AGPS: variants seen among roughly 807,000 people sequenced by gnomAD.
AGPS encodes alkyldihydroxyacetonephosphate synthase, peroxisomal.
Under a neutral mutation model 90.7 loss-of-function variants are expected in AGPS, and 26 were observed. The observed-to-expected ratio is 0.29, with a 90% CI of 0.21 to 0.40. AGPS has a LOEUF of 0.40. Among genes scored for constraint, AGPS ranks in the 10% least tolerant of loss-of-function variants. AGPS has a pLI of 1.00. For missense variants in AGPS, 540 were observed against 816.1 expected (o/e 0.66, Z 4.12); for synonymous variants, 294 against 285.3 (o/e 1.03, Z -0.31).
intron 1 of AGPS, among the ~76,000 whole-genome samples, chr2:177,412,584 G>A (rs1263819565): frequency 1.3e-5 from 2 of 152,112 alleles, no homozygotes; most frequent in Non-Finnish European, 2.9e-5. Flanking sequence ...TCTAAGGAAG[G>A]ATAGCAAGCG....
At chr2:177,444,698 T>C (rs1335033348) in intron 7 of AGPS, among the ~76,000 whole-genome samples, 2 of 152,154 alleles carry the variant, frequency 1.3e-5, no homozygotes, top group Non-Finnish European at 2.9e-5. Flanking sequence ...GTTATTGCCG[T>C]GAAATTGAGC....
At chr2:177,502,465 T>A (rs902299791) in intron 14 of AGPS, among the ~76,000 whole-genome samples, 13 of 146,170 alleles carry the variant, frequency 8.9e-5, no homozygotes, top group Non-Finnish European at 1.6e-4. Flanking sequence ...CAGGCTGGAG[T>A]GCAGTGACCT....
chr2:177,447,052 CA>C (rs1559050132), intron 8 of AGPS, among the ~76,000 whole-genome samples: 1 of 152,066 alleles, frequency 6.6e-6, no homozygotes, highest in Middle Eastern at 3.2e-3. Flanking sequence ...CTTTTGTAAA[CA>C]AAAATTAGAA....
In AGPS at chr2:177,539,083, T is replaced by C. The variant is rs1189483975; in HGVS notation, c.*888T>C. The C allele has an allele frequency of 1.3e-5, 2 of 152,036 alleles. No individual in the cohort carries two copies. Among genetic ancestry groups the C allele is most frequent in the East Asian group, 1.9e-4 (1 of 5,196 alleles). The allele number at this position is 152,036 out of a possible 1,614,324, so 9.4% of individuals were successfully genotyped here. On this transcript the variant is annotated 3_prime_UTR_variant, in exon 20 of 20. Transcript: ENST00000264167. ...GCAGAAGGAAAACTCTTAGACTTAATGTCTCCAATTGCAAGAATTGTTTCA... is the reference window on the plus strand; with the variant it reads ...GCAGAAGGAAAACTCTTAGACTTAACGTCTCCAATTGCAAGAATTGTTTCA...
chr2:177,479,354 G>A (rs563049964), intron 10 of AGPS, among the ~76,000 whole-genome samples: 1 of 152,152 alleles, frequency 6.6e-6, no homozygotes, highest in South Asian at 2.1e-4. Context: ...CTTGGGAAAA[G>A]GTAGCTGGGA....
At chr2:177,530,347 G>A (rs1257497381) in intron 19 of AGPS, among the ~76,000 whole-genome samples, 4 of 152,164 alleles carry the variant, frequency 2.6e-5, no homozygotes, top group Non-Finnish European at 5.9e-5. Context: ...AATGCCTGCT[G>A]CTATTCAGTA....
At chr2:177,462,463 G>T (rs766229590) in intron 9 of AGPS, among the ~76,000 whole-genome samples, 3 of 149,284 alleles carry the variant, frequency 2.0e-5, no homozygotes. Context: ...AACTCCTTTT[G>T]ACTATAATAA....
At chr2:177,521,192 T>G in intron 17 of AGPS, 77 bp from the exon 18 acceptor site, 2 of 1,270,146 alleles carry the variant, frequency 1.6e-6, no homozygotes, top group Non-Finnish European at 2.3e-6. Context: ...TTGGGTCGTC[T>G]TGACTTTCAG....
intron 10 of AGPS, among the ~76,000 whole-genome samples, chr2:177,470,110 A>C (rs1342780183): frequency 1.3e-5 from 2 of 152,158 alleles, no homozygotes; most frequent in African/African-American, 2.4e-5. Context: ...GTTGCCCTGC[A>C]GAGTGACCAT....
intron 11 of AGPS, among the ~76,000 whole-genome samples, chr2:177,491,430 T>C (rs1276098975): frequency 1.1e-5 from 1 of 93,250 alleles, no homozygotes; most frequent in African/African-American, 4.2e-5. Context: ...GACTAATTTC[T>C]TTTTTTTTTT....
chr2:177,462,411 A>AAAG (rs1687324032), intron 9 of AGPS, among the ~76,000 whole-genome samples: 1 of 151,006 alleles, frequency 6.6e-6, no homozygotes, highest in Non-Finnish European at 1.5e-5. Context: ...AAAAAGAAAA[A>AAAG]AGAAAAAGAG....
At chr2:177,393,336 G>A in intron 1 of AGPS, 1 of 985,434 alleles carries the variant, frequency 1.0e-6, no homozygotes, top group Non-Finnish European at 1.2e-6. Context: ...TGAGCTTTTA[G>A]TGCCAGGAAT....
intron 17 of AGPS, among the ~76,000 whole-genome samples, chr2:177,520,415 G>C (rs1267785516): frequency 6.6e-6 from 1 of 152,198 alleles, no homozygotes; most frequent in Non-Finnish European, 1.5e-5. Context: ...TGTATTCTAT[G>C]CATTTCATGT....
intron 2 of AGPS, among the ~76,000 whole-genome samples, chr2:177,421,083 T>C (rs4893823): frequency 0.69 from 104,555 of 151,832 alleles, 36,641 homozygotes; most frequent in Admixed American, 0.77. Flanking sequence ...GTTCTAGATA[T>C]GGTCAGAATT....
chr2:177,417,128 C>A (rs771100960), intron 1 of AGPS, among the ~76,000 whole-genome samples: 1 of 152,176 alleles, frequency 6.6e-6, no homozygotes, highest in Non-Finnish European at 1.5e-5. Context: ...AGAAGAATTA[C>A]TACAACACAG....
intron 19 of AGPS, among the ~76,000 whole-genome samples, chr2:177,524,028 C>G (rs1444834262): frequency 6.6e-6 from 1 of 152,158 alleles, no homozygotes; most frequent in African/African-American, 2.4e-5. Flanking sequence ...GGAGCCCAGG[C>G]AACCTTCTGA....
intron 11 of AGPS, 33 bp from the exon 12 acceptor site, chr2:177,493,114 AT>A (rs1223269086): frequency 2.5e-6 from 4 of 1,578,636 alleles, no homozygotes; most frequent in Non-Finnish European, 3.5e-6. Context: ...ACTGTATTAA[AT>A]TTGTATCACT....
At chr2:177,502,622 GGTTT>G (rs908476427) in intron 14 of AGPS, among the ~76,000 whole-genome samples, 20 of 151,736 alleles carry the variant, frequency 1.3e-4, no homozygotes, top group African/African-American at 4.8e-4. Context: ...GTAGAGATGG[GGTTT>G]TGCCATGTTG....
chr2:177,412,559 G>A (rs1685651057), intron 1 of AGPS, among the ~76,000 whole-genome samples: 1 of 152,192 alleles, frequency 6.6e-6, no homozygotes, highest in Non-Finnish European at 1.5e-5. Flanking sequence ...CAAGCACCCT[G>A]TATTTTCCTC....
Sources: allele counts gnomAD v4.1 joint callset (sites outside exome capture counted in the v4.1 genomes callset), GRCh38; gene constraint gnomAD v4.1.1; transcripts MANE v1.5; gene names NCBI Gene and HGNC (gene_info 2026-07-23, HGNC 2026-07-21).